The following HERC4 variants were observed in gnomAD, a reference collection of about 807,000 sequenced individuals.
HERC4 encodes HECT and RLD domain containing E3 ubiquitin protein ligase 4.
A neutral mutation model predicts 124.3 loss-of-function variants in HERC4; 28 were observed. The ratio of observed to expected loss-of-function variants is 0.23; its 90% CI spans 0.17 to 0.31. HERC4 has a LOEUF of 0.31. Ranked by LOEUF, HERC4 falls within the 10% of genes least tolerant of loss-of-function variation. The probability of loss-of-function intolerance (pLI) is 1.00; values close to 1 mark genes in which losing one functional copy is unlikely to be tolerated. For synonymous variants in HERC4, 407 were observed against 421.5 expected (o/e 0.97, Z 0.42); for missense variants, 713 against 1,229.3 (o/e 0.58, Z 6.28).
chr10:67,943,729 C>T (rs1373946294), intron 19 of HERC4, among the ~76,000 whole-genome samples: 2 of 152,194 alleles, frequency 1.3e-5, no homozygotes, highest in African/African-American at 4.8e-5. Context: ...CCTAGCTTCC[C>T]TTTCCAGGGT....
At chr10:67,948,369 T>C (rs932579838) in intron 19 of HERC4, among the ~76,000 whole-genome samples, 8 of 151,214 alleles carry the variant, frequency 5.3e-5, no homozygotes, top group African/African-American at 7.3e-5. Context: ...AGGACATGAA[T>C]AGACAATTCT....
intron 8 of HERC4, among the ~76,000 whole-genome samples, chr10:68,016,840 C>G (rs1220913580): frequency 6.6e-6 from 1 of 152,124 alleles, no homozygotes; most frequent in Non-Finnish European, 1.5e-5. Context: ...AATAACTATT[C>G]AAATCATGTA....
Position 67,966,679 on chromosome 10 carries a change from C to T in HERC4, c.1926+4G>A. 6.2e-7 allele frequency: 1 copy of T among 1,602,672 alleles called. No homozygotes were observed. Among genetic ancestry groups the T allele is most frequent in the Admixed American group, 1.7e-5 (1 of 57,590 alleles). On this transcript the variant is annotated splice_donor_region_variant and intron_variant, in intron 16 of 24. Coordinates refer to ENST00000373700, the MANE Select transcript of HERC4 (RefSeq NM_015601.4). Reference sequence around the variant, plus strand: ...TGAAATCACAAATTGCACAGAAAACCTACCATTCCATAGGCCTGCTGTTGG... The same window carrying T: ...TGAAATCACAAATTGCACAGAAAACTTACCATTCCATAGGCCTGCTGTTGG...
chr10:67,975,420 G>C (rs559051880), intron 15 of HERC4, among the ~76,000 whole-genome samples: 2 of 151,976 alleles, frequency 1.3e-5, no homozygotes, highest in Non-Finnish European at 2.9e-5. Context: ...TTTGGACAGA[G>C]TCTTGCTCTG....
At chr10:68,016,646 C>T (rs866364957) in intron 8 of HERC4, among the ~76,000 whole-genome samples, 9 of 152,126 alleles carry the variant, frequency 5.9e-5, no homozygotes, top group African/African-American at 1.2e-4. Context: ...CCACTGCACC[C>T]GGCCCAATAA....
chr10:68,014,218 A>C, intron 8 of HERC4, 32 bp from the exon 9 acceptor site: 1 of 1,499,820 alleles, frequency 6.7e-7, no homozygotes, highest in South Asian at 1.3e-5. Flanking sequence ...CTTCAGACTT[A>C]ATGTTACCTT....
At chr10:67,929,296 T>A (rs2031514568) in intron 23 of HERC4, among the ~76,000 whole-genome samples, 2 of 152,312 alleles carry the variant, frequency 1.3e-5, no homozygotes, top group East Asian at 3.9e-4. Flanking sequence ...ACTGCCACAA[T>A]TAGGATACTG....
intron 15 of HERC4, among the ~76,000 whole-genome samples, chr10:67,987,862 G>C (rs1006341719): frequency 6.6e-6 from 1 of 152,032 alleles, no homozygotes; most frequent in African/African-American, 2.4e-5. Context: ...ATTTACCTTA[G>C]CACTAGGCAA....
Position 67,932,697 on chromosome 10 carries a change from T to A in HERC4, c.2738A>T (p.His913Leu). 1 of 1,603,654 alleles carries A rather than the reference T, an allele frequency of 6.2e-7. No individual in the cohort carries two copies. Among genetic ancestry groups the A allele is most frequent in the Non-Finnish European group, 8.5e-7 (1 of 1,177,838 alleles). Residue 913 changes from histidine to leucine, a missense_variant, in exon 23 of 25, where the codon CAT becomes CTT. Coordinates refer to ENST00000373700, the MANE Select transcript of HERC4 (RefSeq NM_015601.4). ...AAGGACTTTTCCTCCACAGACCTTA[T>A]GAAAGCCCGCATGAAAAGCATCAAA... The part of the protein sequence containing the change: ...SLFDAFHAGF[H>L]KVCGGKVLLL...
chr10:67,996,284 C>A, intron 9 of HERC4: 1 of 321,950 alleles, frequency 3.1e-6, no homozygotes, highest in Non-Finnish European at 6.0e-6. Flanking sequence ...AATATATTGT[C>A]AGGGAAAATT....
intron 5 of HERC4, among the ~76,000 whole-genome samples, chr10:68,034,823 T>C (rs1178736732): frequency 2.7e-5 from 4 of 146,582 alleles, no homozygotes; most frequent in Non-Finnish European, 4.5e-5. Context: ...TCCTCTCTCT[T>C]TTTTTTTTTA....
intron 15 of HERC4, among the ~76,000 whole-genome samples, chr10:67,985,400 G>C (rs1019280532): frequency 5.3e-5 from 8 of 152,174 alleles, no homozygotes; most frequent in African/African-American, 1.9e-4. Flanking sequence ...TAGGATTATT[G>C]CCTAAATGTA....
chr10:68,034,321 A>T, intron 5 of HERC4, 135 bp from the exon 6 acceptor site: 1 of 663,434 alleles, frequency 1.5e-6, no homozygotes, highest in Non-Finnish European at 2.5e-6. Context: ...AAAGAATATA[A>T]ATATTATTTT....
intron 15 of HERC4, among the ~76,000 whole-genome samples, chr10:67,970,611 CAAACA>C (rs1252196108): frequency 3.4e-5 from 5 of 148,584 alleles, no homozygotes; most frequent in South Asian, 2.1e-4. Flanking sequence ...AAAAAATCAA[CAAACA>C]AAACAAAACA....
intron 15 of HERC4, among the ~76,000 whole-genome samples, chr10:67,970,676 C>T (rs2035181760): frequency 6.6e-6 from 1 of 150,862 alleles, no homozygotes; most frequent in African/African-American, 2.4e-5. Context: ...TCAGAGAAGA[C>T]CCAAATGTTG....
intron 16 of HERC4, among the ~76,000 whole-genome samples, chr10:67,961,753 G>A (rs949480159): frequency 6.6e-6 from 1 of 152,136 alleles, no homozygotes; most frequent in Non-Finnish European, 1.5e-5. Context: ...TATTAGCAAA[G>A]ACTTTGGGTT....
At chr10:68,051,977 T>C (rs2133607097) in intron 3 of HERC4, among the ~76,000 whole-genome samples, 1 of 152,232 alleles carries the variant, frequency 6.6e-6, no homozygotes, top group South Asian at 2.1e-4. Flanking sequence ...CCTCAACTTT[T>C]CTTTATGCTT....
intron 7 of HERC4, among the ~76,000 whole-genome samples, chr10:68,028,997 A>C (rs760992927): frequency 3.3e-5 from 5 of 151,964 alleles, no homozygotes; most frequent in African/African-American, 4.8e-5. Flanking sequence ...AAAGCGAGAC[A>C]CCATCTCTAC....
intron 15 of HERC4, among the ~76,000 whole-genome samples, chr10:67,978,203 G>T (rs2035712617): frequency 6.6e-6 from 1 of 152,170 alleles, no homozygotes; most frequent in Non-Finnish European, 1.5e-5. Context: ...TTGAACCCAG[G>T]AGATGGAGGA....
Sources: gnomAD v4.1 joint callset for allele counts (sites outside exome capture counted in the v4.1 genomes callset) on GRCh38, gnomAD v4.1.1 for gene constraint, MANE v1.5 for transcripts, NCBI Gene and HGNC (gene_info 2026-07-23, HGNC 2026-07-21) for gene names.